IL1RAPL1: variants seen among roughly 807,000 people sequenced by gnomAD.
The protein encoded by IL1RAPL1 is interleukin-1 receptor accessory protein-like 1.
IL1RAPL1 carries 3 observed loss-of-function variants against 48.4 expected under a neutral mutation model. The ratio of observed to expected loss-of-function variants is 0.06; its 90% confidence interval spans 0.03 to 0.16. The LOEUF is 0.16. Among genes scored for constraint, IL1RAPL1 ranks in the 10% least tolerant of loss-of-function variants. IL1RAPL1 has a pLI of 1.00. For synonymous variants in IL1RAPL1, 185 were observed against 187.7 expected (o/e 0.99, Z 0.12); for missense variants, 349 against 530.6 (o/e 0.66, Z 3.36).
chrX:28,985,724 A>G lies in IL1RAPL1; in HGVS notation c.82+196299A>G, dbSNP rs759466829. ...GCCCAGGCTGGAGTGCATTGGCGCG[A>G]TCTCGGCTCACTACAAGCTCCGCCT... is the stretch of plus-strand genomic sequence containing the variant. On this transcript the variant is annotated intron_variant, in intron 2 of 10. Coordinates refer to ENST00000378993, the MANE Select transcript of IL1RAPL1 (RefSeq NM_014271.4). Among the ~76,000 whole-genome samples, 839 of 99,476 alleles carry G rather than the reference A, an allele frequency of 8.4e-3. 13 individuals are homozygous for G. The highest frequency in any genetic ancestry group is 0.031 in the African/African-American group (802 of 25,762). The allele number at this position is 99,476 out of a possible 115,157, so 86.4% of individuals were successfully genotyped here.
At chrX:29,597,730 T>C (rs1254806055) in intron 5 of IL1RAPL1, among the ~76,000 whole-genome samples, 2 of 112,096 alleles carry the variant, frequency 1.8e-5, no homozygotes, top group East Asian at 5.6e-4. Flanking sequence ...TTGATCTGTT[T>C]GGAGTTTCTT....
intron 2 of IL1RAPL1, among the ~76,000 whole-genome samples, chrX:29,199,735 C>A (rs1057146842): frequency 9.8e-5 from 11 of 112,145 alleles, no homozygotes; most frequent in African/African-American, 3.6e-4. Context: ...TGGTTACTAA[C>A]AGGCCACGGA....
At chrX:29,604,557 G>A (rs1288770714) in intron 5 of IL1RAPL1, among the ~76,000 whole-genome samples, 2 of 111,205 alleles carry the variant, frequency 1.8e-5, no homozygotes, top group Non-Finnish European at 3.8e-5. Flanking sequence ...GCCTGCCACA[G>A]CCTTCCGAGT....
chrX:28,652,603 C>G (rs371704967), intron 1 of IL1RAPL1, among the ~76,000 whole-genome samples: 1 of 111,769 alleles, frequency 8.9e-6, no homozygotes, highest in Non-Finnish European at 1.9e-5. Flanking sequence ...GCAATGCTGA[C>G]GGGGGACCAC....
chrX:29,892,677 G>C (rs1161385825), intron 6 of IL1RAPL1, among the ~76,000 whole-genome samples: 3 of 112,141 alleles, frequency 2.7e-5, no homozygotes, highest in Non-Finnish European at 5.6e-5. Context: ...TCCAGCCATG[G>C]AATGGCAGGT....
intron 2 of IL1RAPL1, among the ~76,000 whole-genome samples, chrX:28,832,757 TTAG>T (rs1299734259): frequency 1.1e-4 from 12 of 109,375 alleles, no homozygotes; most frequent in Non-Finnish European, 2.3e-4. Context: ...TTTTAAAACC[TTAG>T]TAGTTTATTT....
chrX:28,657,462 A>T (rs774557911), intron 1 of IL1RAPL1, among the ~76,000 whole-genome samples: 13 of 112,499 alleles, frequency 1.2e-4, no homozygotes, highest in African/African-American at 2.9e-4. Flanking sequence ...AAAAGAAACT[A>T]AAGGGAAGGA....
chrX:29,565,987 C>T (rs559228696), intron 5 of IL1RAPL1, among the ~76,000 whole-genome samples: 24 of 108,126 alleles, frequency 2.2e-4, no homozygotes, highest in African/African-American at 7.4e-4. Flanking sequence ...CTCGCTCTGT[C>T]GCCCAGGCTA....
At chrX:28,687,883 C>T (rs1248790156) in intron 1 of IL1RAPL1, among the ~76,000 whole-genome samples, 1 of 110,968 alleles carries the variant, frequency 9.0e-6, no homozygotes, top group Non-Finnish European at 1.9e-5. Flanking sequence ...AGGCAGATCA[C>T]CTGAGGTCAG....
chrX:28,924,876 T>G (rs971440445), intron 2 of IL1RAPL1, among the ~76,000 whole-genome samples: 2 of 112,198 alleles, frequency 1.8e-5, no homozygotes, highest in African/African-American at 6.5e-5. Context: ...CAAGGGCACA[T>G]GATTTTTTTA....
chrX:29,389,309 T>C (rs1933824909), intron 3 of IL1RAPL1, among the ~76,000 whole-genome samples: 1 of 100,378 alleles, frequency 1.0e-5, no homozygotes, highest in Admixed American at 1.1e-4. Flanking sequence ...TGAGCCGAGA[T>C]TGCGCCACTG....
At chrX:28,760,307 C>T (rs1031734566) in intron 1 of IL1RAPL1, among the ~76,000 whole-genome samples, 12 of 111,780 alleles carry the variant, frequency 1.1e-4, no homozygotes, top group African/African-American at 3.3e-4. Flanking sequence ...TATTATCTAG[C>T]CCTAACTCTC....
chrX:29,802,749 A>G (rs1246550636), intron 6 of IL1RAPL1, among the ~76,000 whole-genome samples: 2 of 15,193 alleles, frequency 1.3e-4, no homozygotes, highest in Non-Finnish European at 2.2e-4. Flanking sequence ...GGAAAAAATT[A>G]TATATATATA....
chrX:28,772,344 A>G (rs1294880563), intron 1 of IL1RAPL1, among the ~76,000 whole-genome samples: 3 of 111,724 alleles, frequency 2.7e-5, no homozygotes, highest in Non-Finnish European at 3.8e-5. Context: ...TAAAGCCCAT[A>G]GTTTTCTCAA....
chrX:28,984,980 C>T (rs1345521883), intron 2 of IL1RAPL1, among the ~76,000 whole-genome samples: 1 of 111,736 alleles, frequency 8.9e-6, no homozygotes. Flanking sequence ...TCTCTTCCAC[C>T]TCTTTGATCT....
intron 1 of IL1RAPL1, among the ~76,000 whole-genome samples, chrX:28,602,241 G>A (rs1934036187): frequency 9.0e-6 from 1 of 111,216 alleles, no homozygotes; most frequent in Admixed American, 9.6e-5. Context: ...AATACAAATT[G>A]TGAAGCTTAT....
intron 5 of IL1RAPL1, among the ~76,000 whole-genome samples, chrX:29,477,613 T>C (rs1934992316): frequency 1.8e-5 from 2 of 112,185 alleles, no homozygotes; most frequent in South Asian, 7.4e-4. Flanking sequence ...TTAAGTACTT[T>C]ATATATATTA....
chrX:29,520,662 G>T (rs767773991), intron 5 of IL1RAPL1, among the ~76,000 whole-genome samples: 1 of 111,344 alleles, frequency 9.0e-6, no homozygotes, highest in East Asian at 2.8e-4. Context: ...GTTTACTTCC[G>T]TGTTTTCTAG....
intron 2 of IL1RAPL1, among the ~76,000 whole-genome samples, chrX:29,024,368 A>G (rs1196859842): frequency 8.9e-6 from 1 of 111,943 alleles, no homozygotes; most frequent in African/African-American, 3.2e-5. Flanking sequence ...TAATTCTTTT[A>G]TAAGGAATGT....
Sources: allele counts gnomAD v4.1 joint callset (sites outside exome capture counted in the v4.1 genomes callset), GRCh38; gene constraint gnomAD v4.1.1; transcripts MANE v1.5; gene names NCBI Gene and HGNC (gene_info 2026-07-23, HGNC 2026-07-21).